LRIF1: variants seen among roughly 807,000 people sequenced by gnomAD.
LRIF1 encodes ligand dependent nuclear receptor interacting factor 1, also known as ligand-dependent nuclear receptor-interacting factor 1.
A neutral mutation model predicts 52.7 loss-of-function variants in LRIF1; 32 were observed. That is an observed-to-expected ratio of 0.61 (90% CI 0.46 to 0.82). The LOEUF is 0.82. Among genes scored for constraint, LRIF1 ranks in the 40% least tolerant of loss-of-function variants. The pLI, the probability that LRIF1 is intolerant of heterozygous loss-of-function variation, is 0.00. For synonymous variants in LRIF1, 323 were observed against 317.4 expected (o/e 1.02, Z -0.19); for missense variants, 887 against 892.0 (o/e 0.99, Z 0.07).
the LRIF1 span, among the ~76,000 whole-genome samples, chr1:110,919,837 T>C: frequency 6.6e-6 from 1 of 152,076 alleles, no homozygotes; most frequent in African/African-American, 2.4e-5. Flanking sequence ...ACCCAAGAAC[T>C]CTTAAAACTG....
the LRIF1 span, among the ~76,000 whole-genome samples, chr1:110,933,469 C>T: frequency 1.0e-3 from 157 of 152,272 alleles, 1 homozygote; most frequent in Non-Finnish European, 1.7e-3. Flanking sequence ...CTGACACCAC[C>T]CCTCCCCAAA....
the LRIF1 span, chr1:110,894,940 G>A: frequency 1.4e-5 from 22 of 1,596,598 alleles, no homozygotes; most frequent in East Asian, 4.5e-4. Context: ...TGTCTCCTCT[G>A]CTGGAATGTG....
chr1:110,875,566 A>G, the LRIF1 span, among the ~76,000 whole-genome samples: 2 of 152,162 alleles, frequency 1.3e-5, no homozygotes, highest in Admixed American at 6.5e-5. Flanking sequence ...GCGTCCCTAG[A>G]TTAGTCAGCC....
At chr1:110,895,457 G>A in the LRIF1 span, among the ~76,000 whole-genome samples, 1 of 152,118 alleles carries the variant, frequency 6.6e-6, no homozygotes, top group Non-Finnish European at 1.5e-5. Flanking sequence ...CATTCCTCAT[G>A]TGCTGTTTCC....
At chr1:110,892,388 T>C in the LRIF1 span, 1 of 1,614,114 alleles carries the variant, frequency 6.2e-7, no homozygotes, top group East Asian at 2.2e-5. Context: ...TACCTGCTGA[T>C]CCACAACAAC....
chr1:110,906,757 G>C, the LRIF1 span, among the ~76,000 whole-genome samples: 1 of 151,886 alleles, frequency 6.6e-6, no homozygotes, highest in African/African-American at 2.4e-5. Flanking sequence ...TCCAAATTGG[G>C]CTATAGATTC....
chr1:110,902,545 GAAGA>G, the LRIF1 span, among the ~76,000 whole-genome samples: 3 of 106,744 alleles, frequency 2.8e-5, no homozygotes, highest in East Asian at 2.9e-4. Context: ...AAGGAAGAAA[GAAGA>G]AAGAAAGAAT....
chr1:110,897,353 T>G, the LRIF1 span, among the ~76,000 whole-genome samples: 1 of 152,196 alleles, frequency 6.6e-6, no homozygotes, highest in Non-Finnish European at 1.5e-5. Flanking sequence ...GTTTTTCAGG[T>G]TTGTGGAGAA....
chr1:110,928,782 C>A, the LRIF1 span, among the ~76,000 whole-genome samples: 5,293 of 152,048 alleles, frequency 0.035, 298 homozygotes, highest in African/African-American at 0.12. Context: ...AACCAGCAAG[C>A]AGCTAGTTTA....
In LRIF1 at chr1:110,963,612, G is replaced by A. The variant is rs776583269; in HGVS notation, c.68+9C>T. 2 of 1,604,436 alleles carry A rather than the reference G, an allele frequency of 1.2e-6. No homozygotes were observed. The highest frequency in any genetic ancestry group is 1.3e-5 in the African/African-American group (1 of 74,850). On this transcript the variant is annotated intron_variant, in intron 1 of 3. Transcript: ENST00000369763. ...GCAGCCGTGGGGAGGATTCGAAACC[G>A]GTACTTACCAACGCGAGGCGTTGCC...
chr1:110,949,807 C>A (rs1658383662), intron 3 of LRIF1, 44 bp downstream of exon 3: 2 of 1,552,622 alleles, frequency 1.3e-6, no homozygotes, highest in South Asian at 1.2e-5. Context: ...ATTCATGTAT[C>A]ATTTGTAGTA....
chr1:110,895,479 T>A, the LRIF1 span, among the ~76,000 whole-genome samples: 6 of 152,176 alleles, frequency 3.9e-5, no homozygotes, highest in African/African-American at 1.4e-4. Context: ...CCCACAAACG[T>A]GTATATGTAC....
At chr1:110,901,121 A>G in the LRIF1 span, among the ~76,000 whole-genome samples, 1 of 152,042 alleles carries the variant, frequency 6.6e-6, no homozygotes, top group African/African-American at 2.4e-5. Flanking sequence ...TGAGACAAAG[A>G]AGTAGCAGAG....
At chr1:110,910,321 G>A in the LRIF1 span, among the ~76,000 whole-genome samples, 31 of 151,396 alleles carry the variant, frequency 2.0e-4, no homozygotes, top group Non-Finnish European at 3.1e-4. Flanking sequence ...TCCCTGGGGC[G>A]GACACAGTGG....
At chr1:110,942,517 CAG>C (rs1478900251), downstream of LRIF1, among the ~76,000 whole-genome samples, 2 of 151,974 alleles carry the variant, frequency 1.3e-5, no homozygotes, top group African/African-American at 4.8e-5. Context: ...CTGGTAGAAG[CAG>C]AGAGACAGTT....
At chr1:110,911,244 A>G in the LRIF1 span, among the ~76,000 whole-genome samples, 1 of 152,172 alleles carries the variant, frequency 6.6e-6, no homozygotes, top group Non-Finnish European at 1.5e-5. Flanking sequence ...TGGAAAACCT[A>G]GAAGAAATGG....
chr1:110,919,936 A>T, the LRIF1 span, among the ~76,000 whole-genome samples: 1 of 152,190 alleles, frequency 6.6e-6, no homozygotes, highest in Non-Finnish European at 1.5e-5. Context: ...ATGACAAATA[A>T]ACATATAAAA....
the LRIF1 span, chr1:110,892,352 G>C: frequency 9.3e-6 from 15 of 1,613,630 alleles, no homozygotes; most frequent in Non-Finnish European, 1.3e-5. Context: ...CAGATCTGTG[G>C]CTGCTGCATT....
chr1:110,932,802 C>T, the LRIF1 span, among the ~76,000 whole-genome samples: 3 of 152,144 alleles, frequency 2.0e-5, no homozygotes, highest in African/African-American at 7.2e-5. Context: ...ATCTTGTCTG[C>T]AGCTACTATT....
Sources: allele counts gnomAD v4.1 joint callset (sites outside exome capture counted in the v4.1 genomes callset), GRCh38; gene constraint gnomAD v4.1.1; transcripts MANE v1.5; gene names NCBI Gene and HGNC (gene_info 2026-07-23, HGNC 2026-07-21).